GPC6: variants seen among roughly 807,000 people sequenced by gnomAD.
The protein encoded by GPC6 is glypican-6.
Under a neutral mutation model 55.2 loss-of-function variants are expected in GPC6, and 14 were observed. The observed-to-expected ratio is 0.25, with a 90% CI of 0.17 to 0.40. GPC6 has a LOEUF of 0.40. Ranked by LOEUF, GPC6 falls within the 10% of genes least tolerant of loss-of-function variation. The pLI is 1.00. For synonymous variants in GPC6, 278 were observed against 259.6 expected (o/e 1.07, Z -0.68); for missense variants, 641 against 708.5 (o/e 0.90, Z 1.08).
intron 3 of GPC6, among the ~76,000 whole-genome samples, chr13:93,932,411 A>G (rs1023110087): frequency 6.6e-6 from 1 of 152,192 alleles, no homozygotes; most frequent in African/African-American, 2.4e-5. Context: ...AAATCACCAG[A>G]ATCCTCTCCT....
chr13:94,062,611 G>A (rs911928892), intron 4 of GPC6, among the ~76,000 whole-genome samples: 1 of 152,026 alleles, frequency 6.6e-6, no homozygotes, highest in Non-Finnish European at 1.5e-5. Context: ...TCGTACCATT[G>A]TTTATTTAGC....
chr13:94,390,230 C>G (rs7986090), intron 7 of GPC6, among the ~76,000 whole-genome samples: 90,764 of 151,988 alleles, frequency 0.6, 27,670 homozygotes, highest in African/African-American at 0.72. Context: ...GTGACTTGGC[C>G]GTCTTGAGGA....
At position 93,312,005 on chromosome 13, in the gene GPC6, A is replaced by C. The variant is rs553788104; in HGVS notation, c.160+84389A>C. On this transcript the variant is annotated intron_variant, in intron 1 of 8. Transcript: ENST00000377047. The stretch of plus-strand genomic sequence containing the variant: ...CTTAACAGAATAACTCAAAAAAGTT[A>C]TGGAGAGTTATGTGAGTAATAAACA... Among the ~76,000 whole-genome samples, 517 of 152,346 alleles carry C rather than the reference A, an allele frequency of 3.4e-3. 6 individuals are homozygous for C. The highest frequency in any genetic ancestry group is 5.1e-3 in the Non-Finnish European group (349 of 68,032).
rs189999457 is a variant in GPC6 at position 94,071,892 on chromosome 13, T to C, written c.877+43998T>C. ...GTGTCACAGGACACCCAAAGTCTAA[T>C]GACCTTGAGAAAAGTATAAGGCTTG... On this transcript the variant is annotated intron_variant, in intron 4 of 8. Coordinates refer to ENST00000377047, the MANE Select transcript of GPC6 (RefSeq NM_005708.5). 4.5e-4 allele frequency among the ~76,000 whole-genome samples: 69 copies of C among 152,322 alleles called. 1 individual carries two copies. The East Asian group carries it at 0.012, about 27-fold the overall frequency.
intron 3 of GPC6, among the ~76,000 whole-genome samples, chr13:93,949,973 T>C (rs75591584): frequency 0.042 from 6,432 of 152,198 alleles, 171 homozygotes; most frequent in African/African-American, 0.07. Context: ...AGTGGTCCAC[T>C]CGCCTTGGCC....
chr13:93,592,421 A>G (rs971770227), intron 2 of GPC6, among the ~76,000 whole-genome samples: 3 of 147,638 alleles, frequency 2.0e-5, no homozygotes, highest in African/African-American at 4.9e-5. Flanking sequence ...ATATAAATAT[A>G]TATATATTTA....
At chr13:93,217,694 T>C in the GPC6 span, among the ~76,000 whole-genome samples, 4 of 152,198 alleles carry the variant, frequency 2.6e-5, no homozygotes, top group Non-Finnish European at 5.9e-5. Flanking sequence ...ATCAGTTATC[T>C]ACTTAAATTA....
chr13:93,564,384 G>T (rs1875978633), intron 2 of GPC6, among the ~76,000 whole-genome samples: 1 of 152,066 alleles, frequency 6.6e-6, no homozygotes, highest in Non-Finnish European at 1.5e-5. Flanking sequence ...AATGAAAATA[G>T]TCTTTGGGAG....
chr13:93,449,917 G>T (rs8000987), intron 1 of GPC6, among the ~76,000 whole-genome samples: 32,491 of 151,402 alleles, frequency 0.21, 3,587 homozygotes, highest in Middle Eastern at 0.29. Context: ...ACTTAATCAT[G>T]TTCCACTCTT....
intron 3 of GPC6, among the ~76,000 whole-genome samples, chr13:93,951,524 T>C (rs919893009): frequency 2.0e-5 from 3 of 152,188 alleles, no homozygotes; most frequent in Non-Finnish European, 4.4e-5. Flanking sequence ...CCTATACATT[T>C]TATTTATTTT....
intron 3 of GPC6, among the ~76,000 whole-genome samples, chr13:93,910,591 TG>T (rs1876918342): frequency 6.6e-6 from 1 of 152,104 alleles, no homozygotes; most frequent in Admixed American, 6.5e-5. Flanking sequence ...TTATCACCAC[TG>T]GCCCAGATAC....
intron 3 of GPC6, among the ~76,000 whole-genome samples, chr13:93,937,503 A>G (rs1313103767): frequency 6.6e-6 from 1 of 152,260 alleles, no homozygotes; most frequent in African/African-American, 2.4e-5. Flanking sequence ...CCTTAAAAAT[A>G]CATTCAGAGA....
intron 1 of GPC6, among the ~76,000 whole-genome samples, chr13:93,403,724 G>T (rs1170763488): frequency 1.3e-5 from 2 of 152,098 alleles, no homozygotes; most frequent in Admixed American, 6.6e-5. Context: ...TCATGCCTCA[G>T]ATATTGTTTT....
chr13:93,952,125 A>T (rs147533444), intron 3 of GPC6, among the ~76,000 whole-genome samples: 1 of 152,144 alleles, frequency 6.6e-6, no homozygotes, highest in African/African-American at 2.4e-5. Flanking sequence ...TGTGTTCATA[A>T]TTTAAACTTC....
chr13:94,178,371 T>C (rs1343153505), intron 4 of GPC6, among the ~76,000 whole-genome samples: 8 of 152,208 alleles, frequency 5.3e-5, no homozygotes, highest in Non-Finnish European at 1.0e-4. Flanking sequence ...ATATAAAGTA[T>C]GGCAAATCCA....
intron 2 of GPC6, among the ~76,000 whole-genome samples, chr13:93,639,597 G>A (rs1440592380): frequency 6.6e-6 from 1 of 152,046 alleles, no homozygotes; most frequent in Non-Finnish European, 1.5e-5. Flanking sequence ...GGGTGATGAA[G>A]GTCCTGAGAG....
At chr13:93,833,300 A>G (rs1887602641) in intron 3 of GPC6, among the ~76,000 whole-genome samples, 1 of 152,170 alleles carries the variant, frequency 6.6e-6, no homozygotes, top group Admixed American at 6.5e-5. Flanking sequence ...TAAACTAGCA[A>G]TTTGTGATCT....
intron 3 of GPC6, among the ~76,000 whole-genome samples, chr13:93,903,899 G>T (rs1346258022): frequency 6.6e-6 from 1 of 151,900 alleles, no homozygotes; most frequent in Non-Finnish European, 1.5e-5. Context: ...CTTGTATGTT[G>T]TCTTTCCCTG....
In GPC6 at chr13:93,980,452, C is replaced by T. The variant is rs200895515; in HGVS notation, c.712-47277C>T. ...ACAGCTTAGGACTTCCTAAAAGGAGCCCAGAAAGAATCCAGCCAAGCAGTA... is the reference window on the plus strand; with the variant it reads ...ACAGCTTAGGACTTCCTAAAAGGAGTCCAGAAAGAATCCAGCCAAGCAGTA... On this transcript the variant is annotated intron_variant, in intron 3 of 8. Transcript: ENST00000377047. Among the ~76,000 whole-genome samples, 9 of 152,130 alleles carry T rather than the reference C, an allele frequency of 5.9e-5. 1 individual carries two copies. In the East Asian group the frequency reaches 1.7e-3, roughly 30 times the overall value.
Sources: allele counts gnomAD v4.1 joint callset (sites outside exome capture counted in the v4.1 genomes callset), GRCh38; gene constraint gnomAD v4.1.1; transcripts MANE v1.5; gene names NCBI Gene and HGNC (gene_info 2026-07-23, HGNC 2026-07-21).